Variants in IRS1 observed in about 807,000 individuals in gnomAD.
IRS1 encodes the protein insulin receptor substrate 1.
Under a neutral mutation model 65.6 loss-of-function variants are expected in IRS1, and 34 were observed. The observed-to-expected ratio is 0.52, with a 90% CI of 0.39 to 0.69. IRS1 has a LOEUF of 0.69. Among genes scored for constraint, IRS1 ranks in the 30% least tolerant of loss-of-function variants. IRS1 has a pLI of 0.00. For synonymous variants in IRS1, 699 were observed against 683.5 expected (o/e 1.02, Z -0.35); for missense variants, 1,641 against 1,720.2 (o/e 0.95, Z 0.81).
At chr2:226,780,114 C>T (rs1490764655) in intron 1 of IRS1, among the ~76,000 whole-genome samples, 2 of 152,096 alleles carry the variant, frequency 1.3e-5, no homozygotes, top group Admixed American at 6.6e-5. Context: ...AGGTAGCAGC[C>T]GGGTGCGGTG....
At chr2:226,769,167 G>A (rs915052721) in intron 1 of IRS1, among the ~76,000 whole-genome samples, 4 of 152,128 alleles carry the variant, frequency 2.6e-5, no homozygotes, top group Non-Finnish European at 4.4e-5. Context: ...CACTATCACC[G>A]AATCACTCTG....
intron 1 of IRS1, among the ~76,000 whole-genome samples, chr2:226,767,397 A>C (rs1939075406): frequency 6.6e-6 from 1 of 152,244 alleles, no homozygotes; most frequent in Non-Finnish European, 1.5e-5. Flanking sequence ...GGCCAACTCA[A>C]AATACAAAAG....
chr2:226,763,117 C>A (rs1938952250), intron 1 of IRS1, among the ~76,000 whole-genome samples: 4 of 152,064 alleles, frequency 2.6e-5, no homozygotes, highest in Admixed American at 2.6e-4. Flanking sequence ...ACAGTACCTC[C>A]AACGGCAAGA....
Position 226,732,938 on chromosome 2 carries a change from C to A in IRS1, c.*3334G>T, listed in dbSNP as rs1938257925. On this transcript the variant is annotated 3_prime_UTR_variant, in exon 2 of 2. Coordinates refer to ENST00000305123, the MANE Select transcript of IRS1 (RefSeq NM_005544.3). ...AGGGCCTCCTTGTGTGATGGACTAACCTACAGAGTGCTCTGCAAAAGCAGC... is the reference window on the plus strand; with the variant it reads ...AGGGCCTCCTTGTGTGATGGACTAAACTACAGAGTGCTCTGCAAAAGCAGC... 1 of 152,162 alleles carries A rather than the reference C, an allele frequency of 6.6e-6. No homozygotes were observed. The highest frequency in any genetic ancestry group is 2.4e-5 in the African/African-American group (1 of 41,430). The allele number at this position is 152,162 out of a possible 1,614,324, so 9.4% of individuals were successfully genotyped here. A position where few individuals can be genotyped will look rare whatever the true frequency, so the allele number is the denominator to read the frequency against.
chr2:226,789,632 A>G (rs1388302350), intron 1 of IRS1, among the ~76,000 whole-genome samples: 2 of 152,166 alleles, frequency 1.3e-5, no homozygotes, highest in East Asian at 3.8e-4. Context: ...CCTGAAAAAG[A>G]GGTGATTTCC....
intron 1 of IRS1, among the ~76,000 whole-genome samples, chr2:226,757,755 T>C (rs1478203465): frequency 2.6e-5 from 4 of 152,256 alleles, no homozygotes; most frequent in Admixed American, 2.6e-4. Flanking sequence ...TTTTGAGAAA[T>C]ACTGCATTAA....
Position 226,799,273 on chromosome 2 carries a change from T to C in IRS1, c.-535A>G. 1 of 1,164,610 alleles carries C rather than the reference T, an allele frequency of 8.6e-7. No individual in the cohort carries two copies. Among genetic ancestry groups the C allele is most frequent in the Non-Finnish European group, 1.1e-6 (1 of 921,462 alleles). 72.1% of individuals were successfully genotyped at this position (1,164,610 alleles called of 1,614,324 possible). ...GTTGCACGGGGTTCTCCCTCCTCCTTCGCCTCCTCCCACCCCCCAACCGTC... is the reference window on the plus strand; with the variant it reads ...GTTGCACGGGGTTCTCCCTCCTCCTCCGCCTCCTCCCACCCCCCAACCGTC... On this transcript the variant is annotated 5_prime_UTR_variant, in exon 1 of 2. Transcript: ENST00000305123. This position sits in a 1 kb window ranked among gnomAD's most constrained non-coding sequence, Gnocchi z 6.1.
At chr2:226,767,251 T>C (rs573447218) in intron 1 of IRS1, among the ~76,000 whole-genome samples, 2 of 152,346 alleles carry the variant, frequency 1.3e-5, no homozygotes, top group South Asian at 4.1e-4. Context: ...CCAAGTGTTA[T>C]CAGCAAGGCT....
chr2:226,778,056 T>C (rs969716862), intron 1 of IRS1, among the ~76,000 whole-genome samples: 3 of 152,188 alleles, frequency 2.0e-5, no homozygotes, highest in Non-Finnish European at 4.4e-5. Context: ...TCCTGTCTTA[T>C]TTCCTCTTTT....
In IRS1 at chr2:226,796,413, G is replaced by A. The variant is rs781654199; in HGVS notation, c.2326C>T (p.Arg776Cys). The A allele has an allele frequency of 2.2e-5, 36 of 1,613,292 alleles. No individual in the cohort carries two copies. Among genetic ancestry groups the A allele is most frequent in the Middle Eastern group, 3.3e-4 (2 of 6,082 alleles). Reference protein sequence around the residue: ...SLPRSFKHTQRPGEPEEGARH... With the variant: ...SLPRSFKHTQCPGEPEEGARH... ...GCACCCTCCTCCGGCTCCCCGGGGC[G>A]CTGGGTGTGCTTAAAGGATCTTGGC... is the stretch of plus-strand genomic sequence containing the variant. Residue 776 changes from arginine (R) to cysteine (C), a missense_variant, in exon 1 of 2, where the codon CGC becomes TGC. Physicochemically the swap from Arg to Cys is radical, Grantham distance 180. This residue lies in a region of IRS1 where 1,324 missense variants were observed against 1,361.0 expected (regional missense o/e 0.97). Coordinates refer to ENST00000305123, the MANE Select transcript of IRS1 (RefSeq NM_005544.3).
intron 1 of IRS1, among the ~76,000 whole-genome samples, chr2:226,780,498 C>T (rs529764745): frequency 2.0e-4 from 31 of 152,124 alleles, no homozygotes; most frequent in African/African-American, 5.5e-4. Context: ...ATATCTGAAA[C>T]GTCAGTAAAA....
intron 1 of IRS1, among the ~76,000 whole-genome samples, chr2:226,752,350 T>C (rs1938701853): frequency 6.6e-6 from 1 of 152,196 alleles, no homozygotes; most frequent in African/African-American, 2.4e-5. Context: ...CCCCAATTCC[T>C]ATAGGAAGGC....
intron 1 of IRS1, among the ~76,000 whole-genome samples, chr2:226,779,914 G>C (rs1477837261): frequency 6.6e-6 from 1 of 152,204 alleles, no homozygotes; most frequent in Admixed American, 6.5e-5. Context: ...CATCTTAGCA[G>C]AGTACCTACC....
In IRS1 at chr2:226,796,876, T is replaced by C; in HGVS notation, c.1863A>G (p.Pro621=). The change falls in exon 1 of 2, where the codon CCA becomes CCG. Residue 621 remains proline (P), a synonymous_variant. Transcript: ENST00000305123. ...GYMPMSPGVA[P]VPSGRKGSGD... ...CACTGCCCTTTCGGCCACTGGGCAC[T>C]GGGGCCACCCCTGGGGACATGGGCA... 3 of 1,539,328 alleles carry C rather than the reference T, an allele frequency of 1.9e-6. No homozygotes were observed. Among genetic ancestry groups the C allele is most frequent in the Non-Finnish European group, 2.6e-6 (3 of 1,142,014 alleles).
At chr2:226,765,763 T>C (rs145319538) in intron 1 of IRS1, among the ~76,000 whole-genome samples, 21 of 152,238 alleles carry the variant, frequency 1.4e-4, no homozygotes, top group African/African-American at 5.1e-4. Flanking sequence ...CAGGATGTCT[T>C]CATCAGCTGA....
At position 226,798,061 on chromosome 2, in the gene IRS1, G is replaced by A. The variant is rs746502683; in HGVS notation, c.678C>T (p.Gly226=). ...HSENFFFIEV[G]RSAVTGPGEF... ...CCCCGGGCCCCGTCACGGCAGAACG[G>A]CCCACCTCGATGAAGAAGAAGTTTT... The change falls in exon 1 of 2, where the codon GGC becomes GGT. Residue 226 remains glycine, a synonymous_variant. Transcript: ENST00000305123. This position sits in a 1 kb window ranked among gnomAD's most constrained non-coding sequence, Gnocchi z 9.4. 1 of 1,613,972 alleles carries A rather than the reference G, an allele frequency of 6.2e-7. No individual in the cohort carries two copies. The highest frequency in any genetic ancestry group is 1.3e-5 in the African/African-American group (1 of 74,930).
In IRS1 at chr2:226,795,501, T is replaced by C. The variant is rs1340940219; in HGVS notation, c.3238A>G (p.Asn1080Asp). ...SAFTRVNLSP[N>D]RNQSAKVIRA... ...ATCACTTTGGCACTCTGGTTGCGGT[T>C]AGGACTGAGGTTCACCCGGGTGAAG... The change falls in exon 1 of 2, where the codon AAC becomes GAC. Residue 1080 changes from asparagine to aspartate, a missense_variant. Coordinates refer to ENST00000305123, the MANE Select transcript of IRS1 (RefSeq NM_005544.3). 1.2e-6 allele frequency: 2 copies of C among 1,613,454 alleles called. No homozygotes were observed. Among genetic ancestry groups the C allele is most frequent in the Non-Finnish European group, 1.7e-6 (2 of 1,180,010 alleles).
intron 1 of IRS1, among the ~76,000 whole-genome samples, chr2:226,779,364 C>T (rs1437143796): frequency 6.6e-6 from 1 of 152,182 alleles, no homozygotes; most frequent in Non-Finnish European, 1.5e-5. Flanking sequence ...CCATATTGTG[C>T]TTTAAAATCC....
At chr2:226,775,207 T>A (rs1415788003) in intron 1 of IRS1, among the ~76,000 whole-genome samples, 1 of 152,172 alleles carries the variant, frequency 6.6e-6, no homozygotes, top group East Asian at 1.9e-4. Flanking sequence ...GAGAATAAGG[T>A]GCTGACCGAA....
Sources: allele counts gnomAD v4.1 joint callset (sites outside exome capture counted in the v4.1 genomes callset), GRCh38; gene constraint gnomAD v4.1.1; regional missense constraint gnomAD v4.1.1; non-coding constraint Gnocchi (gnomAD v3.1); transcripts MANE v1.5; gene names NCBI Gene and HGNC (gene_info 2026-07-23, HGNC 2026-07-21).